TBC1D5: variants seen among roughly 807,000 people sequenced by gnomAD.
TBC1D5 encodes the protein TBC1 domain family, member 5.
In TBC1D5, 75 loss-of-function variants were observed where a neutral mutation model predicts 100.3. That is an observed-to-expected ratio of 0.75 (90% CI 0.62 to 0.91). The LOEUF (loss-of-function observed/expected upper bound fraction) is 0.91, where lower values mean the gene tolerates loss of function less well. TBC1D5 is among the 40% of genes least tolerant of loss of function. The pLI, the probability that TBC1D5 is intolerant of heterozygous loss-of-function variation, is 0.00. For missense variants in TBC1D5, 910 were observed against 942.4 expected, an observed-to-expected ratio of 0.97 and a Z score of 0.45; for synonymous variants, 323 against 325.6, an observed-to-expected ratio of 0.99 and a Z score of 0.09.
chr3:17,257,963 C>G (rs555414581), intron 16 of TBC1D5, among the ~76,000 whole-genome samples: 2 of 152,180 alleles, frequency 1.3e-5, no homozygotes, highest in South Asian at 4.1e-4. Context: ...TATGAAAGAA[C>G]AAAACCATTC....
At position 17,564,811 on chromosome 3, in the gene TBC1D5, T is replaced by C. The variant is rs2096583708; in HGVS notation, c.-35-56206A>G. Among the ~76,000 whole-genome samples the C allele has an allele frequency of 4.6e-5, 7 of 152,044 alleles. No individual in the cohort carries two copies. The South Asian group carries it at 1.5e-3, about 32-fold the overall frequency. ...ACATCAAATCATGATGACCTGAACA[T>C]CCTGCTTACAGATTATTTTTAATTT... On this transcript the variant is annotated intron_variant, in intron 2 of 21. Transcript: ENST00000253692.
chr3:17,525,289 C>G (rs2096119557), intron 2 of TBC1D5, among the ~76,000 whole-genome samples: 1 of 152,194 alleles, frequency 6.6e-6, no homozygotes, highest in African/African-American at 2.4e-5. Flanking sequence ...GCCACCATAC[C>G]CAGCTAATTT....
intron 1 of TBC1D5, among the ~76,000 whole-genome samples, chr3:17,708,279 T>C (rs1162727645): frequency 6.6e-6 from 1 of 152,250 alleles, no homozygotes; most frequent in African/African-American, 2.4e-5. Context: ...TACTACTGTA[T>C]CTATCGATCT....
intron 1 of TBC1D5, among the ~76,000 whole-genome samples, chr3:17,731,628 G>A (rs2076567023): frequency 6.6e-6 from 1 of 152,030 alleles, no homozygotes; most frequent in South Asian, 2.1e-4. Flanking sequence ...CTGGCTGCGG[G>A]GACACCAGTC....
At chr3:17,661,272 C>A (rs1233030165) in intron 1 of TBC1D5, among the ~76,000 whole-genome samples, 1 of 152,138 alleles carries the variant, frequency 6.6e-6, no homozygotes, top group Non-Finnish European at 1.5e-5. Context: ...ACCTAAGTCA[C>A]CAAAAGTGAG....
rs375952530 is a variant in TBC1D5 at position 17,618,361 on chromosome 3, A to T, written c.-36+5488T>A. Among the ~76,000 whole-genome samples the T allele has an allele frequency of 4.6e-5, 7 of 152,302 alleles. 1 individual carries two copies. The South Asian group carries it at 1.4e-3, about 32-fold the overall frequency. On this transcript the variant is annotated intron_variant, in intron 2 of 21. Transcript: ENST00000253692. ...CAGTTAGGCTACATGGGGGTCAGGG[A>T]CCAACTTGAGTAGGCAGTCTGTCCA...
At chr3:17,292,370 T>A (rs184122467) in intron 14 of TBC1D5, among the ~76,000 whole-genome samples, 20 of 152,198 alleles carry the variant, frequency 1.3e-4, no homozygotes, top group Admixed American at 1.0e-3. Flanking sequence ...GCCATATGAA[T>A]GGAAAAGAAC....
At chr3:17,689,837 G>C (rs955767306) in intron 1 of TBC1D5, among the ~76,000 whole-genome samples, 1 of 152,078 alleles carries the variant, frequency 6.6e-6, no homozygotes, top group Non-Finnish European at 1.5e-5. Context: ...GGATGCAGCT[G>C]AACATACCTA....
intron 16 of TBC1D5, among the ~76,000 whole-genome samples, chr3:17,247,965 C>G (rs1020730890): frequency 6.6e-6 from 1 of 151,860 alleles, no homozygotes; most frequent in African/African-American, 2.4e-5. Context: ...TATTTTCACC[C>G]CATGTGGTTA....
At chr3:17,697,122 T>C (rs910565669) in intron 1 of TBC1D5, among the ~76,000 whole-genome samples, 7 of 152,216 alleles carry the variant, frequency 4.6e-5, no homozygotes, top group Non-Finnish European at 1.0e-4. Flanking sequence ...CTAAGAGCTA[T>C]TTATGACAAA....
At chr3:17,566,911 C>T (rs958403749) in intron 2 of TBC1D5, among the ~76,000 whole-genome samples, 2 of 151,780 alleles carry the variant, frequency 1.3e-5, no homozygotes, top group Non-Finnish European at 3.0e-5. Flanking sequence ...TAAACAAGAA[C>T]CTAGTCCTTC....
chr3:17,732,154 C>T (rs1054661733), intron 1 of TBC1D5, among the ~76,000 whole-genome samples: 1 of 151,808 alleles, frequency 6.6e-6, no homozygotes, highest in Non-Finnish European at 1.5e-5. Flanking sequence ...CCCATCTCTA[C>T]TAAAAATACA....
chr3:17,301,224 G>A (rs1473043974), intron 14 of TBC1D5, among the ~76,000 whole-genome samples: 1 of 151,728 alleles, frequency 6.6e-6, no homozygotes, highest in African/African-American at 2.4e-5. Flanking sequence ...ACAAATAAAA[G>A]GTATGTTATG....
At chr3:17,350,337 G>A (rs926914636) in intron 13 of TBC1D5, among the ~76,000 whole-genome samples, 1 of 152,146 alleles carries the variant, frequency 6.6e-6, no homozygotes, top group African/African-American at 2.4e-5. Context: ...AAGAATAAAA[G>A]TGATAGCCTT....
chr3:17,279,184 G>A (rs1448727449), intron 15 of TBC1D5, among the ~76,000 whole-genome samples: 1 of 152,274 alleles, frequency 6.6e-6, no homozygotes, highest in East Asian at 1.9e-4. Context: ...TTTTACAAAA[G>A]AAATTATATT....
chr3:17,392,296 G>C (rs2093373471), intron 8 of TBC1D5, among the ~76,000 whole-genome samples: 1 of 151,974 alleles, frequency 6.6e-6, no homozygotes, highest in South Asian at 2.1e-4. Flanking sequence ...TATTGGTGCA[G>C]AAAATAGGGT....
chr3:17,172,782 AT>A (rs1310887881), intron 19 of TBC1D5, among the ~76,000 whole-genome samples: 1 of 152,266 alleles, frequency 6.6e-6, no homozygotes, highest in East Asian at 1.9e-4. Context: ...TAAAAACTTG[AT>A]TTTTTTCAAT....
At chr3:17,179,190 T>C (rs1185187941) in intron 19 of TBC1D5, among the ~76,000 whole-genome samples, 2 of 152,234 alleles carry the variant, frequency 1.3e-5, no homozygotes, top group Admixed American at 1.3e-4. Context: ...CTACCCGCAA[T>C]AAAAAGCGTA....
At chr3:17,573,324 G>T (rs1420845851) in intron 2 of TBC1D5, among the ~76,000 whole-genome samples, 1 of 151,982 alleles carries the variant, frequency 6.6e-6, no homozygotes, top group East Asian at 1.9e-4. Context: ...AAGTCTCCTT[G>T]TAAGTATCTG....
Sources: allele counts gnomAD v4.1 joint callset (sites outside exome capture counted in the v4.1 genomes callset), GRCh38; gene constraint gnomAD v4.1.1; transcripts MANE v1.5; gene names NCBI Gene and HGNC (gene_info 2026-07-23, HGNC 2026-07-21).